EXPH5: variants seen among roughly 807,000 people sequenced by gnomAD.
EXPH5 encodes the protein exophilin 5.
A neutral mutation model predicts 41.1 loss-of-function variants in EXPH5; 42 were observed. The ratio of observed to expected loss-of-function variants is 1.02; its 90% CI spans 0.80 to 1.32. The LOEUF is 1.32. Ranked by LOEUF, EXPH5 falls within the 40% of genes most tolerant of loss-of-function variation. The pLI is 0.00. For missense variants in EXPH5, 2,298 were observed against 2,314.5 expected (o/e 0.99, Z 0.15); for synonymous variants, 798 against 833.5 (o/e 0.96, Z 0.73).
intron 1 of EXPH5, among the ~76,000 whole-genome samples, chr11:108,544,548 C>T (rs141376246): frequency 6.6e-6 from 1 of 152,354 alleles, no homozygotes; most frequent in East Asian, 1.9e-4. Flanking sequence ...ATATCCACCA[C>T]TGCCTGCTTC....
At chr11:108,524,029 T>G (rs149931799) in intron 4 of EXPH5, among the ~76,000 whole-genome samples, 216 of 152,272 alleles carry the variant, frequency 1.4e-3, no homozygotes, top group African/African-American at 4.9e-3. Context: ...CAATCCTGGC[T>G]CTGCCCATTA....
intron 1 of EXPH5, among the ~76,000 whole-genome samples, chr11:108,578,227 G>A (rs1485868035): frequency 6.6e-6 from 1 of 152,154 alleles, no homozygotes; most frequent in Non-Finnish European, 1.5e-5. Flanking sequence ...GTGAGAGATA[G>A]GGGTCTACTT....
At chr11:108,542,691 G>T (rs1349573462) in intron 1 of EXPH5, among the ~76,000 whole-genome samples, 4 of 152,110 alleles carry the variant, frequency 2.6e-5, no homozygotes, top group Non-Finnish European at 5.9e-5. Context: ...ATGCAGAAAA[G>T]AAATTATTGA....
chr11:108,571,999 G>A (rs894865938), intron 1 of EXPH5, among the ~76,000 whole-genome samples: 2 of 151,332 alleles, frequency 1.3e-5, no homozygotes, highest in African/African-American at 4.9e-5. Flanking sequence ...GCAGTTAGCC[G>A]AGATAGCACC....
the EXPH5 span, among the ~76,000 whole-genome samples, chr11:108,606,587 G>T: frequency 1.3e-5 from 2 of 152,046 alleles, no homozygotes; most frequent in African/African-American, 4.8e-5. Flanking sequence ...CAAACTCCTT[G>T]GTTTTATAAT....
At chr11:108,596,066 G>C (rs1159780425), upstream of EXPH5, among the ~76,000 whole-genome samples, 2 of 151,958 alleles carry the variant, frequency 1.3e-5, no homozygotes, top group Non-Finnish European at 2.9e-5. Flanking sequence ...CCCAGCATGT[G>C]CACCTGTAGT....
Position 108,512,845 on chromosome 11 carries a change from AG to A in EXPH5, c.2661del (p.Ser888HisfsTer31), listed in dbSNP as rs765722474. The A allele has an allele frequency of 6.2e-7, 1 of 1,614,200 alleles. No homozygotes were observed. Among genetic ancestry groups the A allele is most frequent in the Non-Finnish European group, 8.5e-7 (1 of 1,180,008 alleles). On this transcript the variant is annotated frameshift_variant, in exon 6 of 6. Transcript: ENST00000265843. LOFTEE classifies it low-confidence loss of function (END_TRUNC). ...LDLSSAALPD[S>X]SPSKNSSLDA... The stretch of plus-strand genomic sequence containing the variant: ...TCAAGGGAAGAATTCTTTGATGGTG[AG>A]GAATCTGGTAGTGCAGCTGATGACA...
In EXPH5 at chr11:108,518,247, C is replaced by T. The variant is rs1327769301; in HGVS notation, c.619G>A (p.Glu207Lys). The T allele has an allele frequency of 2.5e-6, 4 of 1,611,706 alleles. No homozygotes were observed. The highest frequency in any genetic ancestry group is 1.3e-5 in the African/African-American group (1 of 74,846). The part of the protein sequence containing the change: ...PPWDASLLEN[E>K]FFQVLDDLDS... Reference sequence around the variant, plus strand: ...TGCATGAACTTACCTTGGAAAAACTCATTCTCCAGCAGTGAAGCATCCCAC... The same window carrying T: ...TGCATGAACTTACCTTGGAAAAACTTATTCTCCAGCAGTGAAGCATCCCAC... Residue 207 changes from glutamate to lysine, a missense_variant, in exon 5 of 6, where the codon GAG becomes AAG. By Grantham distance (56) the Glu-to-Lys change is moderately conservative. Transcript: ENST00000265843.
chr11:108,538,628 ATGACCAGGACG>A (rs979863521), intron 3 of EXPH5, among the ~76,000 whole-genome samples: 20 of 152,052 alleles, frequency 1.3e-4, no homozygotes, highest in African/African-American at 2.4e-4. Flanking sequence ...AACTCTCCTT[ATGACCAGGACG>A]TGACCAGGAC....
rs1485683514 is a variant in EXPH5, at chr11:108,573,875, T to C, written c.119+19543A>G. 2.6e-5 allele frequency among the ~76,000 whole-genome samples: 4 copies of C among 152,182 alleles called. No individual in the cohort carries two copies. The East Asian group carries it at 7.7e-4, about 29-fold the overall frequency. ...ATGTAGGCAACATAGTGAGACCTTG[T>C]CTTTACAAAAAGATTTTATTTTATT... On this transcript the variant is annotated intron_variant, in intron 1 of 5. Coordinates refer to ENST00000265843, the MANE Select transcript of EXPH5 (RefSeq NM_015065.3).
chr11:108,511,491 G>A lies in EXPH5; in HGVS notation c.4016C>T (p.Pro1339Leu), dbSNP rs141714483. 6.3e-7 allele frequency: 1 copy of A among 1,588,988 alleles called. No homozygotes were observed. Among genetic ancestry groups the A allele is most frequent in the Admixed American group, 1.9e-5 (1 of 54,038 alleles). The change falls in exon 6 of 6, where the codon CCC (proline) becomes CTC (leucine). Residue 1339 changes from proline to leucine, a missense_variant. Physicochemically the swap from Pro to Leu is moderately conservative, Grantham distance 98. Transcript: ENST00000265843. ...MTAFRLSNRG[P>L]LAPTLQEMAS... ...CATTTCCTGTAATGTAGGAGCTAGG[G>A]GCCCCCTATTTGATAATCGGAAGGC...
intron 1 of EXPH5, among the ~76,000 whole-genome samples, chr11:108,551,736 C>A (rs1461985320): frequency 4.6e-5 from 7 of 152,110 alleles, no homozygotes; most frequent in African/African-American, 1.7e-4. Context: ...ATCAGCCAAC[C>A]CCAGAATGAA....
chr11:108,540,931 T>A (rs1308356661), intron 2 of EXPH5, among the ~76,000 whole-genome samples: 1 of 151,876 alleles, frequency 6.6e-6, no homozygotes, highest in Non-Finnish European at 1.5e-5. Context: ...TGAGGTGCAG[T>A]CTTACCGCTG....
the EXPH5 span, among the ~76,000 whole-genome samples, chr11:108,604,108 G>A: frequency 1.3e-5 from 2 of 151,736 alleles, no homozygotes; most frequent in African/African-American, 4.8e-5. Context: ...TGAAGAAAGG[G>A]CTGAATAGGC....
intron 1 of EXPH5, among the ~76,000 whole-genome samples, chr11:108,568,805 C>T (rs975319895): frequency 2.6e-5 from 4 of 152,160 alleles, no homozygotes; most frequent in South Asian, 2.1e-4. Context: ...CCTGCTAATT[C>T]GACTTTCCAA....
At chr11:108,588,976 A>G (rs944739407) in intron 1 of EXPH5, among the ~76,000 whole-genome samples, 6 of 152,298 alleles carry the variant, frequency 3.9e-5, no homozygotes, top group African/African-American at 1.4e-4. Flanking sequence ...GACAGCTCAG[A>G]GATCCGTGGT....
intron 3 of EXPH5, among the ~76,000 whole-genome samples, chr11:108,532,168 T>C (rs1235523273): frequency 1.3e-5 from 2 of 149,458 alleles, no homozygotes; most frequent in Non-Finnish European, 3.0e-5. Context: ...CTAGATCCCT[T>C]CTGCCATAGA....
chr11:108,561,488 A>G (rs1174783320), intron 1 of EXPH5, among the ~76,000 whole-genome samples: 2 of 152,160 alleles, frequency 1.3e-5, no homozygotes, highest in African/African-American at 4.8e-5. Context: ...AAAGATGTGG[A>G]CCACTTTTCT....
At chr11:108,519,210 G>A (rs755834413) in intron 4 of EXPH5, among the ~76,000 whole-genome samples, 1 of 152,000 alleles carries the variant, frequency 6.6e-6, no homozygotes, top group Non-Finnish European at 1.5e-5. Context: ...TCTTCCTGGC[G>A]ACCACGGAAG....
Sources: gnomAD v4.1 joint callset for allele counts (sites outside exome capture counted in the v4.1 genomes callset) on GRCh38, gnomAD v4.1.1 for gene constraint, MANE v1.5 for transcripts, NCBI Gene and HGNC (gene_info 2026-07-23, HGNC 2026-07-21) for gene names.